The following ZNF423 variants were observed in gnomAD, a reference collection of about 807,000 sequenced individuals.
The protein encoded by ZNF423 is zinc finger protein 423, also known as Ebf-associated zinc finger protein.
A neutral mutation model predicts 95.8 loss-of-function variants in ZNF423; 12 were observed. The observed-to-expected ratio is 0.13, with a 90% CI of 0.08 to 0.20. ZNF423 has a LOEUF of 0.20. ZNF423 is among the 10% of genes least tolerant of loss of function. The probability of loss-of-function intolerance (pLI) is 1.00; values close to 1 mark genes in which losing one functional copy is unlikely to be tolerated. For missense variants in ZNF423, 1,316 were observed against 1,737.1 expected, an observed-to-expected ratio of 0.76 and a Z score of 4.31; for synonymous variants, 749 against 711.9, an observed-to-expected ratio of 1.05 and a Z score of -0.83.
chr16:49,565,436 C>T (rs986578366), intron 5 of ZNF423, among the ~76,000 whole-genome samples: 15 of 152,340 alleles, frequency 9.8e-5, no homozygotes, highest in Admixed American at 1.3e-4. Context: ...CAAGCCTGAG[C>T]GCCAGAGCAC....
At chr16:49,498,542 G>A (rs764199877) in intron 7 of ZNF423, among the ~76,000 whole-genome samples, 11 of 152,190 alleles carry the variant, frequency 7.2e-5, no homozygotes, top group Non-Finnish European at 1.6e-4. Flanking sequence ...GCCATGGAAG[G>A]TATTTGAGCT....
rs1186676819 is a variant in ZNF423 at position 49,637,237 on chromosome 16, G to A, written c.1939C>T (p.Leu647Phe). 2 of 1,614,124 alleles carry A rather than the reference G, an allele frequency of 1.2e-6. No homozygotes were observed. The highest frequency in any genetic ancestry group is 1.7e-6 in the Non-Finnish European group (2 of 1,180,036). The change falls in exon 4 of 8, where the codon CTC becomes TTC. Residue 647 changes from leucine to phenylalanine, a missense_variant. Coordinates refer to ENST00000563137, the MANE Select transcript of ZNF423 (RefSeq NM_001379286.1). This position sits in a 1 kb window ranked among gnomAD's most constrained non-coding sequence, Gnocchi z 5.6. ...NGEYPCNQCDLKFSNFESFQT... is the reference protein window; with the variant it reads ...NGEYPCNQCDFKFSNFESFQT... ...AAGCTCTCAAAGTTGGAGAACTTGA[G>A]GTCGCATTGATTGCAAGGATACTCC...
chr16:49,535,183 G>T (rs987973710), intron 5 of ZNF423, among the ~76,000 whole-genome samples: 3 of 152,310 alleles, frequency 2.0e-5, no homozygotes, highest in African/African-American at 7.2e-5. Context: ...AGAGATCGGG[G>T]CCCAGCCTGG....
chr16:49,525,527 A>T (rs760406686), intron 5 of ZNF423, 33 bp from the exon 6 acceptor site: 2 of 1,613,086 alleles, frequency 1.2e-6, no homozygotes, highest in East Asian at 4.5e-5. Flanking sequence ...GTCAGTGACC[A>T]GCATGCCATG....
chr16:49,806,922 G>A (rs1013114735), intron 1 of ZNF423, among the ~76,000 whole-genome samples: 2 of 151,860 alleles, frequency 1.3e-5, no homozygotes, highest in Admixed American at 6.6e-5. Flanking sequence ...AGCTACTGGG[G>A]AGGCTGAGGC....
intron 2 of ZNF423, among the ~76,000 whole-genome samples, chr16:49,751,703 A>G (rs944505612): frequency 2.0e-5 from 3 of 152,208 alleles, no homozygotes; most frequent in Admixed American, 6.5e-5. Flanking sequence ...ATGATCTTCA[A>G]ACCCATGCTG....
At chr16:49,625,278 G>C (rs921304557) in intron 5 of ZNF423, among the ~76,000 whole-genome samples, 1 of 152,168 alleles carries the variant, frequency 6.6e-6, no homozygotes. Context: ...GCTTGAACCC[G>C]GGTGGCAGAG....
At chr16:49,572,141 A>G (rs1015029020) in intron 5 of ZNF423, among the ~76,000 whole-genome samples, 1 of 152,180 alleles carries the variant, frequency 6.6e-6, no homozygotes, top group South Asian at 2.1e-4. Flanking sequence ...ACTATGTGTC[A>G]GGCACTGGAC....
intron 7 of ZNF423, among the ~76,000 whole-genome samples, chr16:49,499,798 G>C (rs1047982216): frequency 6.6e-6 from 1 of 152,202 alleles, no homozygotes; most frequent in African/African-American, 2.4e-5. Flanking sequence ...ACTCCCAAGA[G>C]GGCAGGTTCT....
intron 1 of ZNF423, among the ~76,000 whole-genome samples, chr16:49,852,348 A>C (rs918903948): frequency 2.0e-5 from 3 of 152,232 alleles, no homozygotes; most frequent in African/African-American, 7.2e-5. Flanking sequence ...AAATTATTCA[A>C]AAGTTTTAAG....
chr16:49,627,632 C>A (rs1468444155), intron 4 of ZNF423, among the ~76,000 whole-genome samples: 5 of 148,828 alleles, frequency 3.4e-5, no homozygotes, highest in Admixed American at 6.7e-5. Flanking sequence ...CTCCATCTAC[C>A]CGTCCGTCTC....
intron 3 of ZNF423, among the ~76,000 whole-genome samples, chr16:49,678,981 G>A (rs1480383614): frequency 2.0e-5 from 3 of 152,192 alleles, no homozygotes; most frequent in Non-Finnish European, 4.4e-5. Flanking sequence ...CTGGGCCTCA[G>A]TCAACCCAGT....
chr16:49,532,938 G>A (rs1022778253), intron 5 of ZNF423, among the ~76,000 whole-genome samples: 2 of 152,174 alleles, frequency 1.3e-5, no homozygotes, highest in African/African-American at 4.8e-5. Flanking sequence ...GAGAAAGGGG[G>A]AGACCGAATG....
chr16:49,700,218 C>CAAGAAGAAG (rs1174840870), intron 3 of ZNF423, among the ~76,000 whole-genome samples: 2 of 119,632 alleles, frequency 1.7e-5, no homozygotes, highest in African/African-American at 6.0e-5. Flanking sequence ...AAAAAAAAAA[C>CAAGAAGAAG]AAGAAGAAGA....
At chr16:49,594,721 C>T (rs1474294649) in intron 5 of ZNF423, among the ~76,000 whole-genome samples, 2 of 152,104 alleles carry the variant, frequency 1.3e-5, no homozygotes, top group Admixed American at 6.5e-5. Context: ...ACAGAAGACT[C>T]GAAACAAACT....
intron 2 of ZNF423, among the ~76,000 whole-genome samples, chr16:49,754,425 A>T (rs764213166): frequency 1.1e-4 from 17 of 152,206 alleles, no homozygotes; most frequent in Non-Finnish European, 2.2e-4. Context: ...AGTAAATGTG[A>T]TCATCAGGGC....
At position 49,600,553 on chromosome 16, in the gene ZNF423, T is replaced by A. The variant is rs184095394; in HGVS notation, c.3601+25617A>T. ...GACACAATTCTGGGCAACTTCTCGG[T>A]CTCAGTCTTCCATGGCAAAAAGTGA... On this transcript the variant is annotated intron_variant, in intron 5 of 7. Transcript: ENST00000563137. 2.4e-3 allele frequency among the ~76,000 whole-genome samples: 365 copies of A among 151,934 alleles called. 1 individual carries two copies. Among genetic ancestry groups the A allele is most frequent in the African/African-American group, 7.6e-3 (316 of 41,444 alleles).
At chr16:49,696,080 G>A (rs750744152) in intron 3 of ZNF423, among the ~76,000 whole-genome samples, 41 of 152,188 alleles carry the variant, frequency 2.7e-4, no homozygotes, top group African/African-American at 8.9e-4. Context: ...GGACTCATCC[G>A]TAAAATGGGA....
intron 3 of ZNF423, among the ~76,000 whole-genome samples, chr16:49,675,534 C>T (rs751807104): frequency 6.6e-6 from 1 of 152,188 alleles, no homozygotes; most frequent in East Asian, 1.9e-4. Context: ...CGGGCTGCCA[C>T]GGCCCCCACA....
Sources: allele counts gnomAD v4.1 joint callset (sites outside exome capture counted in the v4.1 genomes callset), GRCh38; gene constraint gnomAD v4.1.1; non-coding constraint Gnocchi (gnomAD v3.1); transcripts MANE v1.5; gene names NCBI Gene and HGNC (gene_info 2026-07-23, HGNC 2026-07-21).